The following CHSY3 variants were observed in gnomAD, a reference collection of about 807,000 sequenced individuals.
CHSY3 encodes N-acetylgalactosaminyl-proteoglycan 3-beta-glucuronosyltransferase 3.
Under a neutral mutation model 67.2 loss-of-function variants are expected in CHSY3, and 35 were observed. That is an observed-to-expected ratio of 0.52 (90% CI 0.40 to 0.69). The LOEUF (loss-of-function observed/expected upper bound fraction) is 0.69. Among genes scored for constraint, CHSY3 ranks in the 30% least tolerant of loss-of-function variants. The probability of loss-of-function intolerance (pLI) is 0.00; values close to 1 mark genes in which losing one functional copy is unlikely to be tolerated. For missense variants in CHSY3, 1,069 were observed against 1,138.5 expected (o/e 0.94, Z 0.88); for synonymous variants, 474 against 434.7 (o/e 1.09, Z -1.12).
intron 2 of CHSY3, among the ~76,000 whole-genome samples, chr5:129,966,706 T>C (rs1485829809): frequency 6.6e-6 from 1 of 151,784 alleles, no homozygotes; most frequent in Non-Finnish European, 1.5e-5. Context: ...CCATGAAAAG[T>C]TCTGCTTTTA....
rs554276138 is a variant in CHSY3, at chr5:130,158,859, C to T, written c.1087-25370C>T. Among the ~76,000 whole-genome samples the T allele has an allele frequency of 2.6e-5, 4 of 152,212 alleles. No homozygotes were observed. The South Asian group carries it at 8.3e-4, about 32-fold the overall frequency. ...CTGTTGGCCAAGCTGGAGTGCAGTGCTATGATCACAGCTCACTGCAGCCTC... is the reference window on the plus strand; with the variant it reads ...CTGTTGGCCAAGCTGGAGTGCAGTGTTATGATCACAGCTCACTGCAGCCTC... On this transcript the variant is annotated intron_variant, in intron 2 of 2. Transcript: ENST00000305031.
intron 2 of CHSY3, among the ~76,000 whole-genome samples, chr5:130,015,199 TA>T (rs566350748): frequency 7.8e-4 from 119 of 152,270 alleles, no homozygotes; most frequent in Non-Finnish European, 8.7e-4. Flanking sequence ...TGCTGTCATA[TA>T]AAGATATGCT....
intron 2 of CHSY3, among the ~76,000 whole-genome samples, chr5:130,071,352 A>C (rs1262791976): frequency 6.6e-6 from 1 of 152,086 alleles, no homozygotes; most frequent in Non-Finnish European, 1.5e-5. Context: ...ATGCAAAATA[A>C]ATTTTCAAAC....
At chr5:129,924,838 A>G (rs2149585347) in intron 2 of CHSY3, among the ~76,000 whole-genome samples, 1 of 152,262 alleles carries the variant, frequency 6.6e-6, no homozygotes, top group East Asian at 1.9e-4. Flanking sequence ...TCCAATTAAC[A>G]CACAAATTCC....
intron 2 of CHSY3, among the ~76,000 whole-genome samples, chr5:130,117,914 C>CT (rs1767868746): frequency 6.6e-6 from 1 of 152,062 alleles, no homozygotes; most frequent in Non-Finnish European, 1.5e-5. Context: ...GAGGTAGGGC[C>CT]TGGTGGGAGG....
In CHSY3 at chr5:130,045,754, A is replaced by G. The variant is rs75008561; in HGVS notation, c.1086+137394A>G. 3.3e-5 allele frequency among the ~76,000 whole-genome samples: 5 copies of G among 152,226 alleles called. No homozygotes were observed. The East Asian group carries it at 9.7e-4, about 29-fold the overall frequency. ...CCTCACTCTTGAGTCCTACCCAATCAGTACATTTTCGGAGATGGAAACTTT... is the reference window on the plus strand; with the variant it reads ...CCTCACTCTTGAGTCCTACCCAATCGGTACATTTTCGGAGATGGAAACTTT... On this transcript the variant is annotated intron_variant, in intron 2 of 2. Transcript: ENST00000305031.
intron 2 of CHSY3, among the ~76,000 whole-genome samples, chr5:129,934,829 T>C (rs1761434886): frequency 6.6e-6 from 1 of 152,176 alleles, no homozygotes; most frequent in Non-Finnish European, 1.5e-5. Flanking sequence ...GGTTGCTTTA[T>C]TAAAAGGCGT....
At chr5:130,180,409 T>C (rs1770208534) in intron 2 of CHSY3, among the ~76,000 whole-genome samples, 1 of 152,226 alleles carries the variant, frequency 6.6e-6, no homozygotes, top group African/African-American at 2.4e-5. Context: ...TACATTTTAC[T>C]GATATTTGGT....
rs148124734 is a variant in CHSY3 at position 129,909,242 on chromosome 5, A to T, written c.1086+882A>T. ...ATTAAAATAATGTATTGTTTTTAGT[A>T]TAGTTTGGTTTTCAAGTAGTTGGAA... On this transcript the variant is annotated intron_variant, in intron 2 of 2. Transcript: ENST00000305031. 4.2e-3 allele frequency among the ~76,000 whole-genome samples: 646 copies of T among 152,232 alleles called. 4 individuals carry two copies. Among genetic ancestry groups the T allele is most frequent in the African/African-American group, 0.015 (620 of 41,572 alleles).
In CHSY3 at chr5:130,048,225, G is replaced by A. The variant is rs542277281; in HGVS notation, c.1087-136004G>A. 3.8e-4 allele frequency among the ~76,000 whole-genome samples: 58 copies of A among 152,014 alleles called. 1 individual carries two copies. In the South Asian group the frequency reaches 0.011, roughly 30 times the overall value. On this transcript the variant is annotated intron_variant, in intron 2 of 2. Coordinates refer to ENST00000305031, the MANE Select transcript of CHSY3 (RefSeq NM_175856.5). ...GTCCATGCAGGGTGGGCTTTTATGT[G>A]TTTAGTTTATTATTTTTACTATTGT... is the stretch of plus-strand genomic sequence containing the variant.
At chr5:130,177,564 T>A (rs906465727) in intron 2 of CHSY3, among the ~76,000 whole-genome samples, 2 of 152,170 alleles carry the variant, frequency 1.3e-5, no homozygotes, top group African/African-American at 2.4e-5. Flanking sequence ...TTTCATCATA[T>A]TTTGAAATGA....
chr5:130,061,218 T>C (rs185594371), intron 2 of CHSY3, among the ~76,000 whole-genome samples: 20 of 152,200 alleles, frequency 1.3e-4, no homozygotes, highest in Non-Finnish European at 2.6e-4. Context: ...ATAGATACTT[T>C]GATCAATGGA....
intron 2 of CHSY3, among the ~76,000 whole-genome samples, chr5:130,100,245 G>T (rs967902623): frequency 1.3e-5 from 2 of 151,986 alleles, no homozygotes; most frequent in African/African-American, 4.8e-5. Flanking sequence ...GCAGTCGCGC[G>T]ATCTCCGCTC....
chr5:130,074,455 T>C (rs1183954135), intron 2 of CHSY3, among the ~76,000 whole-genome samples: 1 of 152,110 alleles, frequency 6.6e-6, no homozygotes, highest in African/African-American at 2.4e-5. Flanking sequence ...AATAAAACCG[T>C]TAAAACATAG....
At chr5:130,011,463 G>T (rs1580646528) in intron 2 of CHSY3, among the ~76,000 whole-genome samples, 1 of 152,134 alleles carries the variant, frequency 6.6e-6, no homozygotes, top group Non-Finnish European at 1.5e-5. Flanking sequence ...AGTCATCAAT[G>T]GTACATACCT....
At chr5:130,028,711 CTCTT>C (rs1202519503) in intron 2 of CHSY3, among the ~76,000 whole-genome samples, 2 of 151,990 alleles carry the variant, frequency 1.3e-5, no homozygotes, top group African/African-American at 4.8e-5. Context: ...CTCTGTCTCT[CTCTT>C]TCTTTATTTC....
intron 2 of CHSY3, among the ~76,000 whole-genome samples, chr5:130,183,687 G>A (rs565920491): frequency 5.1e-4 from 77 of 152,114 alleles, no homozygotes; most frequent in African/African-American, 1.8e-3. Context: ...CTCATATATA[G>A]AAATCAAAAA....
At chr5:129,952,583 A>G (rs753298930) in intron 2 of CHSY3, among the ~76,000 whole-genome samples, 3 of 152,166 alleles carry the variant, frequency 2.0e-5, no homozygotes, top group Non-Finnish European at 4.4e-5. Flanking sequence ...GCCTTTAATG[A>G]AAATGTCCAT....
chr5:130,086,319 G>T (rs369933103), intron 2 of CHSY3, among the ~76,000 whole-genome samples: 33 of 152,120 alleles, frequency 2.2e-4, no homozygotes, highest in East Asian at 2.1e-3. Context: ...ATATATTTAG[G>T]ATAGTTAGCT....
Sources: allele counts gnomAD v4.1 joint callset (sites outside exome capture counted in the v4.1 genomes callset), GRCh38; gene constraint gnomAD v4.1.1; transcripts MANE v1.5; gene names NCBI Gene and HGNC (gene_info 2026-07-23, HGNC 2026-07-21).